FIP1L1: variants seen among roughly 807,000 people sequenced by gnomAD.
FIP1L1 encodes factor interacting with PAPOLA and CPSF1, also known as pre-mRNA 3'-end-processing factor FIP1.
FIP1L1 carries 21 observed loss-of-function variants against 84.6 expected under a neutral mutation model. That is an observed-to-expected ratio of 0.25 (90% CI 0.18 to 0.36). The LOEUF is 0.36. Ranked by LOEUF, FIP1L1 falls within the 10% of genes least tolerant of loss-of-function variation. The pLI is 1.00. For synonymous variants in FIP1L1, 263 were observed against 242.3 expected, an observed-to-expected ratio of 1.09 and a Z score of -0.80; for missense variants, 526 against 751.1, an observed-to-expected ratio of 0.70 and a Z score of 3.50.
intron 13 of FIP1L1, among the ~76,000 whole-genome samples, chr4:53,440,088 C>T (rs1224332710): frequency 6.6e-6 from 1 of 151,992 alleles, no homozygotes; most frequent in Admixed American, 6.6e-5. Context: ...CTCACTTCTG[C>T]CAACAATACT....
At chr4:53,417,780 CT>C (rs1760425068) in intron 11 of FIP1L1, among the ~76,000 whole-genome samples, 1 of 33,632 alleles carries the variant, frequency 3.0e-5, no homozygotes, top group Non-Finnish European at 6.5e-5. Flanking sequence ...CTCTCTCTCT[CT>C]CTCTCTCTCT....
At chr4:53,394,003 TTC>T (rs1183689532) in intron 9 of FIP1L1, among the ~76,000 whole-genome samples, 8 of 152,066 alleles carry the variant, frequency 5.3e-5, no homozygotes, top group Non-Finnish European at 8.8e-5. Flanking sequence ...TTTATTGTTT[TTC>T]TCTTTTTCAT....
At chr4:53,410,215 C>T (rs1180293012) in intron 10 of FIP1L1, among the ~76,000 whole-genome samples, 1 of 152,196 alleles carries the variant, frequency 6.6e-6, no homozygotes, top group African/African-American at 2.4e-5. Flanking sequence ...TAAGAGAAGA[C>T]AACACTTCAT....
chr4:53,428,318 C>T (rs1765129839), intron 13 of FIP1L1, 135 bp downstream of exon 13: 1 of 767,408 alleles, frequency 1.3e-6, no homozygotes, highest in African/African-American at 1.7e-5. Context: ...AACAGATTCA[C>T]ACTGAAACAG....
At chr4:53,443,677 A>T (rs796080374) in intron 14 of FIP1L1, among the ~76,000 whole-genome samples, 15 of 152,254 alleles carry the variant, frequency 9.9e-5, no homozygotes, top group African/African-American at 3.1e-4. Context: ...TTCTTTGTTA[A>T]TCCTGTCAGT....
chr4:53,378,738 G>C, intron 1 of FIP1L1: 1 of 258,048 alleles, frequency 3.9e-6, no homozygotes, highest in Non-Finnish European at 7.4e-6. Flanking sequence ...GTTAACACCA[G>C]ATTTGAAAGT....
intron 3 of FIP1L1, among the ~76,000 whole-genome samples, chr4:53,380,536 T>A (rs1460869773): frequency 6.6e-6 from 1 of 152,166 alleles, no homozygotes; most frequent in Non-Finnish European, 1.5e-5. Flanking sequence ...ATGGGTAGAT[T>A]GTATAATATG....
chr4:53,389,530 T>C (rs998475747), intron 5 of FIP1L1, among the ~76,000 whole-genome samples: 3 of 152,190 alleles, frequency 2.0e-5, no homozygotes, highest in African/African-American at 7.2e-5. Context: ...TTTTAAAATA[T>C]GTGTTAGCTG....
At chr4:53,404,094 T>C (rs1751789650) in intron 10 of FIP1L1, among the ~76,000 whole-genome samples, 1 of 151,696 alleles carries the variant, frequency 6.6e-6, no homozygotes, top group South Asian at 2.1e-4. Context: ...TGTGCCATGC[T>C]GGTGTGCTGC....
Position 53,460,019 on chromosome 4 carries a change from A to G in FIP1L1, c.*570A>G, listed in dbSNP as rs1450043607. 1.5e-5 allele frequency: 3 copies of G among 206,760 alleles called. No homozygotes were observed. The highest frequency in any genetic ancestry group is 6.9e-5 in the African/African-American group (3 of 43,224). 12.8% of individuals were successfully genotyped at this position (206,760 alleles called of 1,614,324 possible). A position where few individuals can be genotyped will look rare whatever the true frequency, so the allele number is the denominator to read the frequency against. On this transcript the variant is annotated 3_prime_UTR_variant, in exon 18 of 18. Coordinates refer to ENST00000337488, the MANE Select transcript of FIP1L1 (RefSeq NM_030917.4). ...GGTACACTTTCATATCCAAATTAAT[A>G]AAACCTATAAGGCATCTGGGTGGCC...
chr4:53,428,985 T>G (rs553334882), intron 13 of FIP1L1, among the ~76,000 whole-genome samples: 2 of 152,198 alleles, frequency 1.3e-5, no homozygotes, highest in Non-Finnish European at 2.9e-5. Flanking sequence ...TCAAATCAGT[T>G]TATACTAGAG....
At chr4:53,400,893 C>T (rs1282489813) in intron 10 of FIP1L1, among the ~76,000 whole-genome samples, 5 of 152,032 alleles carry the variant, frequency 3.3e-5, no homozygotes, top group Non-Finnish European at 7.4e-5. Flanking sequence ...ATGTAGTATT[C>T]TTTTGGCTTA....
chr4:53,402,219 T>A (rs1360721790), intron 10 of FIP1L1, among the ~76,000 whole-genome samples: 2 of 152,216 alleles, frequency 1.3e-5, no homozygotes, highest in Admixed American at 1.3e-4. Flanking sequence ...AGGATCATTT[T>A]CATTTGTATA....
chr4:53,390,531 C>A lies in FIP1L1; in HGVS notation c.408C>A (p.Val136=), dbSNP rs756117540. 6.2e-7 allele frequency: 1 copy of A among 1,607,386 alleles called. No homozygotes were observed. Among genetic ancestry groups the A allele is most frequent in the South Asian group, 1.1e-5 (1 of 90,172 alleles). ...GRVYGTTGTK[V]KGVDLDAPGS... ...AATTTTATAAAACAGGGACAAAAGT[C>A]AAAGGAGTAGACCTTGATGCACCTG... is the stretch of plus-strand genomic sequence containing the variant. Residue 136 remains valine (V), a synonymous_variant, in exon 7 of 18, where the codon GTC becomes GTA. Coordinates refer to ENST00000337488, the MANE Select transcript of FIP1L1 (RefSeq NM_030917.4).
intron 16 of FIP1L1, among the ~76,000 whole-genome samples, chr4:53,454,454 A>G (rs1325828261): frequency 2.0e-5 from 3 of 152,196 alleles, no homozygotes; most frequent in Non-Finnish European, 4.4e-5. Context: ...ATATACCGCA[A>G]ATTTTGAAAA....
At position 53,378,540 on chromosome 4, in the gene FIP1L1, C is replaced by CT. The variant is rs574264800; in HGVS notation, c.86-527dup. 2.0e-5 allele frequency: 3 copies of CT among 152,634 alleles called. No homozygotes were observed. The East Asian group carries it at 5.8e-4, about 29-fold the overall frequency. 9.5% of individuals were successfully genotyped at this position (152,634 alleles called of 1,614,324 possible). ...TCTCCTGTATTAAGGTGAAGTTATT[C>CT]TTTTTTAAGAGACTACCGTTTAACC... On this transcript the variant is annotated intron_variant, in intron 1 of 17. Transcript: ENST00000337488.
intron 13 of FIP1L1, among the ~76,000 whole-genome samples, chr4:53,431,525 A>G (rs575234832): frequency 1.3e-5 from 2 of 152,290 alleles, no homozygotes; most frequent in East Asian, 3.9e-4. Context: ...TAGACTTCTA[A>G]TGTTTTTAAA....
intron 11 of FIP1L1, among the ~76,000 whole-genome samples, chr4:53,422,483 A>T (rs932506366): frequency 6.6e-6 from 1 of 151,970 alleles, no homozygotes; most frequent in African/African-American, 2.4e-5. Flanking sequence ...CAATAATGAG[A>T]GTTGCTACCT....
chr4:53,388,111 A>G (rs896812614), intron 5 of FIP1L1, among the ~76,000 whole-genome samples: 1 of 152,168 alleles, frequency 6.6e-6, no homozygotes, highest in African/African-American at 2.4e-5. Flanking sequence ...TTGAATTTAC[A>G]TTTTTCTTTT....
Sources: allele counts gnomAD v4.1 joint callset (sites outside exome capture counted in the v4.1 genomes callset), GRCh38; gene constraint gnomAD v4.1.1; transcripts MANE v1.5; gene names NCBI Gene and HGNC (gene_info 2026-07-23, HGNC 2026-07-21).